The following SFTPB variants were observed in gnomAD, a reference collection of about 807,000 sequenced individuals.
SFTPB encodes surfactant protein B.
Under a neutral mutation model 51.0 loss-of-function variants are expected in SFTPB, and 32 were observed. The observed-to-expected ratio is 0.63, with a 90% CI of 0.47 to 0.84. The LOEUF (loss-of-function observed/expected upper bound fraction) is 0.84, where lower values mean the gene tolerates loss of function less well. Among genes scored for constraint, SFTPB ranks in the 40% least tolerant of loss-of-function variants. The pLI is 0.00. For missense variants in SFTPB, 431 were observed against 491.2 expected, an observed-to-expected ratio of 0.88 and a Z score of 1.16; for synonymous variants, 211 against 208.5, an observed-to-expected ratio of 1.01 and a Z score of -0.10.
chr2:85,666,648 G>T lies in SFTPB; in HGVS notation c.362C>A (p.Pro121His). 6.2e-7 allele frequency: 1 copy of T among 1,613,754 alleles called. No homozygotes were observed. The highest frequency in any genetic ancestry group is 1.7e-5 in the Admixed American group (1 of 59,988). The stretch of plus-strand genomic sequence containing the variant: ...GTTCTGGAAGTAGTCGATGACCAGG[G>T]GGAAGTAGTCGTCAAGCACTTGGTT... ...QCNQVLDDYFPLVIDYFQNQT... is the reference protein window; with the variant it reads ...QCNQVLDDYFHLVIDYFQNQT... The change falls in exon 4 of 11, where the codon CCC becomes CAC. Residue 121 changes from proline (P) to histidine (H), a missense_variant. Physicochemically the swap from Pro to His is moderately conservative, Grantham distance 77 (BLOSUM62 -2). Coordinates refer to ENST00000519937, the MANE Select transcript of SFTPB (RefSeq NM_000542.5).
At chr2:85,664,659 G>A (rs1164891858) in intron 6 of SFTPB, among the ~76,000 whole-genome samples, 2 of 152,084 alleles carry the variant, frequency 1.3e-5, no homozygotes, top group Non-Finnish European at 2.9e-5. Flanking sequence ...ACGGGGTTTC[G>A]CCATGTTGCC....
At chr2:85,665,552 G>A (rs1414045424) in intron 5 of SFTPB, 54 bp downstream of exon 5, 19 of 1,593,348 alleles carry the variant, frequency 1.2e-5, no homozygotes, top group Non-Finnish European at 1.5e-5. Context: ...GGGCTTCGGA[G>A]GTGGCTCTAG....
At chr2:85,665,575 C>T (rs1414299635) in intron 5 of SFTPB, 31 bp downstream of exon 5, 1 of 1,611,626 alleles carries the variant, frequency 6.2e-7, no homozygotes, top group African/African-American at 1.3e-5. Flanking sequence ...CTCTGGATCT[C>T]CACTTTACTG....
Position 85,667,703 on chromosome 2 carries a change from C to T in SFTPB, c.171G>A (p.Gln57=). The T allele has an allele frequency of 3.1e-6, 5 of 1,614,254 alleles. No homozygotes were observed. The East Asian group carries it at 1.1e-4, about 36-fold the overall frequency. ...LQCRALGHCL[Q]EVWGHVGADD... ...CGGCTCCCACATGTCCCCAGACTTC[C>T]TGTAGGCAATGCCCTAGGGCTCTGC... The change falls in exon 2 of 11, where the codon CAG becomes CAA. Residue 57 remains glutamine, a synonymous_variant. Transcript: ENST00000519937.
At chr2:85,666,169 G>GGGGTGTGT (rs1677579463) in intron 4 of SFTPB, among the ~76,000 whole-genome samples, 1 of 146,104 alleles carries the variant, frequency 6.8e-6, no homozygotes, top group African/African-American at 2.6e-5. Context: ...TTGTGGACAG[G>GGGGTGTGT]GTGTGTGTGT....
intron 4 of SFTPB, 95 bp downstream of exon 4, chr2:85,666,522 T>TGTC: frequency 8.0e-7 from 1 of 1,246,712 alleles, no homozygotes; most frequent in Non-Finnish European, 1.1e-6. Flanking sequence ...TGTGTGTGTG[T>TGTC]CTGGCTGGCT....
chr2:85,662,313 G>C, intron 8 of SFTPB: 7 of 1,424,198 alleles, frequency 4.9e-6, no homozygotes, highest in Non-Finnish European at 6.5e-6. Flanking sequence ...AAAAGCAGGC[G>C]ACACTGGAGA....
chr2:85,663,959 A>C (rs1677449654), intron 6 of SFTPB, 112 bp from the exon 7 acceptor site: 1 of 1,008,890 alleles, frequency 9.9e-7, no homozygotes, highest in South Asian at 1.5e-5. Context: ...CTCTTCTAGA[A>C]GGGAGGGCAA....
Position 85,665,666 on chromosome 2 carries a change from G to T in SFTPB, c.522C>A (p.Asp174Glu). The T allele has an allele frequency of 6.2e-7, 1 of 1,614,196 alleles. No homozygotes were observed. The highest frequency in any genetic ancestry group is 1.1e-5 in the South Asian group (1 of 91,082). ...LRDPLPDPLLDKLVLPVLPGA... is the reference protein window; with the variant it reads ...LRDPLPDPLLEKLVLPVLPGA... The stretch of plus-strand genomic sequence containing the variant: ...CGGGCAGCACAGGGAGGACGAGCTT[G>T]TCCAGCAGAGGGTCTGGCAGAGGGT... The change falls in exon 5 of 11, where the codon GAC (aspartate) becomes GAA (glutamate). Residue 174 changes from aspartate (D) to glutamate (E), a missense_variant. Physicochemically the swap from Asp to Glu is conservative, Grantham distance 45 (BLOSUM62 2). Coordinates refer to ENST00000519937, the MANE Select transcript of SFTPB (RefSeq NM_000542.5).
chr2:85,665,859 G>T, intron 4 of SFTPB, 65 bp from the exon 5 acceptor site: 1 of 1,508,034 alleles, frequency 6.6e-7, no homozygotes, highest in Non-Finnish European at 9.2e-7. Context: ...ATTCAGGCCG[G>T]CCCAAGGGCT....
chr2:85,667,280 G>T (rs1227765656), intron 2 of SFTPB, 103 bp from the exon 3 acceptor site: 6 of 849,776 alleles, frequency 7.1e-6, no homozygotes, highest in Non-Finnish European at 1.2e-5. Context: ...GCACTCCAAG[G>T]CACATGCAGC....
Position 85,665,633 on chromosome 2 carries a change from G to C in SFTPB, c.555C>G (p.Leu185=), listed in dbSNP as rs1677539675. 1 of 1,613,910 alleles carries C rather than the reference G, an allele frequency of 6.2e-7. No individual in the cohort carries two copies. The change falls in exon 5 of 11, where the codon CTC becomes CTG. Residue 185 remains leucine, a synonymous_variant. Transcript: ENST00000519937. ...KLVLPVLPGA[L]QARPGPHTQD... ...GTGTGTGAGGCCCAGGCCTCGCCTGGAGGGCCCCGGGCAGCACAGGGAGGA... is the reference window on the plus strand; with the variant it reads ...GTGTGTGAGGCCCAGGCCTCGCCTGCAGGGCCCCGGGCAGCACAGGGAGGA...
At position 85,665,356 on chromosome 2, in the gene SFTPB, G is replaced by C. The variant is rs1471962796; in HGVS notation, c.605C>G (p.Pro202Arg). 1.9e-6 allele frequency: 3 copies of C among 1,614,056 alleles called. No homozygotes were observed. The highest frequency in any genetic ancestry group is 2.5e-6 in the Non-Finnish European group (3 of 1,179,942). The change falls in exon 6 of 11, where the codon CCC (proline) becomes CGC (arginine). Residue 202 changes from proline to arginine, a missense_variant. Coordinates refer to ENST00000519937, the MANE Select transcript of SFTPB (RefSeq NM_000542.5). ...HTQDLSEQQFPIPLPYCWLCR... is the reference protein window; with the variant it reads ...HTQDLSEQQFRIPLPYCWLCR... ...GAGCCAGCAATAGGGGAGAGGAATG[G>C]GGAATTGCTGCTCGGAGAGATCCTG... is the stretch of plus-strand genomic sequence containing the variant.
intron 4 of SFTPB, 143 bp downstream of exon 4, chr2:85,666,474 T>C: frequency 1.3e-6 from 1 of 782,338 alleles, no homozygotes; most frequent in Non-Finnish European, 2.0e-6. Flanking sequence ...TGTGTGTTTG[T>C]GTCTGGCCGG....
intron 4 of SFTPB, among the ~76,000 whole-genome samples, chr2:85,666,247 G>C (rs1451443318): frequency 4.8e-5 from 7 of 145,506 alleles, no homozygotes; most frequent in Admixed American, 2.7e-4. Context: ...GTGTGTGTGT[G>C]TGTCTGGCTG....
In SFTPB at chr2:85,666,667, C is replaced by A; in HGVS notation, c.343G>T (p.Val115Leu). The change falls in exon 4 of 11, where the codon GTG (valine) becomes TTG (leucine). Residue 115 changes from valine to leucine, a missense_variant. Coordinates refer to ENST00000519937, the MANE Select transcript of SFTPB (RefSeq NM_000542.5). ...ACCAGGGGGAAGTAGTCGTCAAGCA[C>A]TTGGTTGCACTGGGGCATGAGCAGC... is the stretch of plus-strand genomic sequence containing the variant. The part of the protein sequence containing the change: ...LKLLMPQCNQ[V>L]LDDYFPLVID... 6.2e-7 allele frequency: 1 copy of A among 1,613,792 alleles called. No homozygotes were observed. The highest frequency in any genetic ancestry group is 1.1e-5 in the South Asian group (1 of 91,080).
Position 85,663,826 on chromosome 2 carries a change from C to T in SFTPB, c.694G>A (p.Ala232Thr), listed in dbSNP as rs1310544056. ...AGAGGTACCACGCGGCACACCTGGG[C>T]CACTGCCACAGCTAGCGCACCCTGG... ...IPKGALAVAV[A>T]QVCRVVPLVA... The change falls in exon 7 of 11, where the codon GCC becomes ACC. Residue 232 changes from alanine to threonine, a missense_variant. By Grantham distance (58) the Ala-to-Thr change is moderately conservative. Coordinates refer to ENST00000519937, the MANE Select transcript of SFTPB (RefSeq NM_000542.5). The T allele has an allele frequency of 6.3e-7, 1 of 1,593,734 alleles. No homozygotes were observed. Among genetic ancestry groups the T allele is most frequent in the Non-Finnish European group, 8.5e-7 (1 of 1,172,790 alleles).
intron 4 of SFTPB, 118 bp downstream of exon 4, chr2:85,666,499 G>GT: frequency 1.1e-6 from 1 of 901,052 alleles, no homozygotes; most frequent in South Asian, 1.6e-5. Flanking sequence ...GGTGCTGTGT[G>GT]TGTGTGTGTG....
rs750958534 is a variant in SFTPB at position 85,661,529 on chromosome 2, C to T, written c.1090G>A (p.Gly364Arg). 4.0e-5 allele frequency: 65 copies of T among 1,610,840 alleles called. No homozygotes were observed. Among genetic ancestry groups the T allele is most frequent in the Middle Eastern group, 1.6e-4 (1 of 6,068 alleles). Residue 364 changes from glycine (G) to arginine (R), a missense_variant, in exon 10 of 11, where the codon GGG (glycine) becomes AGG (arginine). Physicochemically the swap from Gly to Arg is moderately radical, Grantham distance 125. Coordinates refer to ENST00000519937, the MANE Select transcript of SFTPB (RefSeq NM_000542.5). ...WDAHTTCQAL[G>R]VCGTMSSPLQ... ...GGGCTGGACATGGTCCCACACACCC[C>T]GAGGGCCTGTCACAGGGACAGCACC...
Sources: gnomAD v4.1 joint callset for allele counts (sites outside exome capture counted in the v4.1 genomes callset) on GRCh38, gnomAD v4.1.1 for gene constraint, MANE v1.5 for transcripts, NCBI Gene and HGNC (gene_info 2026-07-23, HGNC 2026-07-21) for gene names.